Variants in ABCA13 observed in about 807,000 individuals in gnomAD.
ABCA13 encodes the protein ATP binding cassette subfamily A member 13.
In ABCA13, 476 loss-of-function variants were observed where a neutral mutation model predicts 478.7. That is an observed-to-expected ratio of 0.99 (90% confidence interval 0.92 to 1.07). The LOEUF (loss-of-function observed/expected upper bound fraction) is 1.07, where lower values mean the gene tolerates loss of function less well. Ranked by LOEUF, ABCA13 falls within the 50% of genes least tolerant of loss-of-function variation. The pLI, the probability that ABCA13 is intolerant of heterozygous loss-of-function variation, is 0.00. For synonymous variants in ABCA13, 2,252 were observed against 2,158.9 expected (o/e 1.04, Z -1.20); for missense variants, 6,060 against 5,910.6 (o/e 1.03, Z -0.83).
intron 10 of ABCA13, chr7:48,242,890 A>G (rs902479563): frequency 6.6e-6 from 1 of 152,070 alleles, no homozygotes; most frequent in Non-Finnish European, 1.5e-5. Flanking sequence ...TTCTCTTCCT[A>G]AGCTGCAAAG....
In ABCA13 at chr7:48,645,655, T is replaced by C; in HGVS notation, c.*143T>C. ...TTATTCTCTTGTTCATTTTCTATTT[T>C]GAATCTCCTTGTTAGTTAATAACCA... On this transcript the variant is annotated 3_prime_UTR_variant, in exon 62 of 62. Coordinates refer to ENST00000435803, the MANE Select transcript of ABCA13 (RefSeq NM_152701.5). 1.4e-6 allele frequency: 1 copy of C among 700,154 alleles called. No individual in the cohort carries two copies. The highest frequency in any genetic ancestry group is 2.4e-6 in the Non-Finnish European group (1 of 424,684). 43.4% of individuals were successfully genotyped at this position (700,154 alleles called of 1,614,324 possible).
At chr7:48,369,720 C>A (rs1812335681) in intron 32 of ABCA13, among the ~76,000 whole-genome samples, 1 of 152,028 alleles carries the variant, frequency 6.6e-6, no homozygotes, top group African/African-American at 2.4e-5. Context: ...GGTTTTATTT[C>A]TGGGTTCTTT....
At chr7:48,380,040 A>G (rs1814103206) in intron 35 of ABCA13, among the ~76,000 whole-genome samples, 1 of 152,222 alleles carries the variant, frequency 6.6e-6, no homozygotes, top group African/African-American at 2.4e-5. Context: ...TATTAATAAT[A>G]TAAGAGGGTT....
intron 39 of ABCA13, among the ~76,000 whole-genome samples, chr7:48,405,210 G>A (rs535592322): frequency 1.1e-4 from 16 of 152,370 alleles, no homozygotes; most frequent in South Asian, 2.1e-4. Flanking sequence ...AGATTCAGCC[G>A]TCTGCAGTCA....
At chr7:48,371,572 C>T (rs1443871714) in intron 32 of ABCA13, among the ~76,000 whole-genome samples, 4 of 152,008 alleles carry the variant, frequency 2.6e-5, no homozygotes, top group East Asian at 1.9e-4. Flanking sequence ...AGTTCATTCA[C>T]GATTTGGCTC....
At chr7:48,182,984 C>T (rs1460910308) in intron 1 of ABCA13, among the ~76,000 whole-genome samples, 1 of 152,182 alleles carries the variant, frequency 6.6e-6, no homozygotes, top group Non-Finnish European at 1.5e-5. Context: ...GAGAGGTTGG[C>T]ATCTAGAGGC....
intron 47 of ABCA13, among the ~76,000 whole-genome samples, chr7:48,486,774 G>T (rs1360759426): frequency 1.3e-5 from 2 of 152,182 alleles, no homozygotes; most frequent in Non-Finnish European, 2.9e-5. Context: ...ATGAACATGT[G>T]TGTGGTATTG....
rs761181523 is a variant in ABCA13, at chr7:48,403,719, C to G, written c.11910C>G (p.His3970Gln). The change falls in exon 39 of 62, where the codon CAC becomes CAG. Residue 3970 changes from histidine (H) to glutamine (Q), a missense_variant. Physicochemically the swap from His to Gln is conservative, Grantham distance 24 (BLOSUM62 0). Around this residue, in one of 3 missense-constraint regions of ABCA13, gnomAD observed 1,627 missense variants for 1,571.0 expected, o/e 1.04. Coordinates refer to ENST00000435803, the MANE Select transcript of ABCA13 (RefSeq NM_152701.5). Reference sequence around the variant, plus strand: ...ATGTGGACTTAACTCAGCATCAGCACAAACAGACCCGAGCTCTGTCTGGAG... The same window carrying G: ...ATGTGGACTTAACTCAGCATCAGCAGAAACAGACCCGAGCTCTGTCTGGAG... ...LQDVDLTQHQHKQTRALSGGL... is the reference protein window; with the variant it reads ...LQDVDLTQHQQKQTRALSGGL... The G allele has an allele frequency of 1.2e-6, 2 of 1,614,006 alleles. No homozygotes were observed. The highest frequency in any genetic ancestry group is 1.3e-5 in the African/African-American group (1 of 75,054).
chr7:48,369,924 G>A (rs1274957415), intron 32 of ABCA13, among the ~76,000 whole-genome samples: 2 of 151,940 alleles, frequency 1.3e-5, no homozygotes, highest in Admixed American at 6.6e-5. Context: ...TTAGTTCTGT[G>A]AAGAGTAATG....
chr7:48,392,214 C>A (rs1816181302), intron 38 of ABCA13, 75 bp downstream of exon 38: 9 of 1,385,612 alleles, frequency 6.5e-6, no homozygotes, highest in African/African-American at 4.3e-5. Context: ...TAGAAAGAGA[C>A]ACTTAAAAAA....
chr7:48,447,470 CT>C (rs1471450971), intron 42 of ABCA13, among the ~76,000 whole-genome samples: 15 of 152,150 alleles, frequency 9.9e-5, no homozygotes, highest in African/African-American at 3.6e-4. Context: ...CATGACTTTA[CT>C]TTGTTAACTA....
rs1350825389 is a variant in ABCA13, at chr7:48,274,704, G to A, written c.5038G>A (p.Asp1680Asn). ...LKKADIDLLV[D>N]QLEQVSVNLM... ...GAAGGCAGACATAGACCTTTTAGTG[G>A]ATCAGCTTGAACAAGTTAGTGTAAA... Residue 1680 changes from aspartate (D) to asparagine (N), a missense_variant, in exon 17 of 62, where the codon GAT becomes AAT. By Grantham distance (23) the Asp-to-Asn change is conservative. This residue lies in a region of ABCA13 where 4,423 missense variants were observed against 4,309.1 expected (regional missense o/e 1.03). Transcript: ENST00000435803. 2 of 1,613,962 alleles carry A rather than the reference G, an allele frequency of 1.2e-6. No homozygotes were observed. The highest frequency in any genetic ancestry group is 8.5e-7 in the Non-Finnish European group (1 of 1,179,860).
At chr7:48,474,921 G>A (rs1271119345) in intron 45 of ABCA13, among the ~76,000 whole-genome samples, 1 of 152,190 alleles carries the variant, frequency 6.6e-6, no homozygotes, top group African/African-American at 2.4e-5. Flanking sequence ...CATAAACTAT[G>A]AGATTTCAGT....
chr7:48,197,352 G>A (rs868729183), intron 2 of ABCA13, among the ~76,000 whole-genome samples: 1 of 152,186 alleles, frequency 6.6e-6, no homozygotes. Flanking sequence ...ATACTGGGGC[G>A]CTGGACAGGC....
At position 48,298,434 on chromosome 7, in the gene ABCA13, A is replaced by T. The variant is rs925184116; in HGVS notation, c.9268A>T (p.Ile3090Phe). Residue 3090 changes from isoleucine to phenylalanine, a missense_variant, in exon 23 of 62, where the codon ATC becomes TTC. Coordinates refer to ENST00000435803, the MANE Select transcript of ABCA13 (RefSeq NM_152701.5). ...LTEELRSSIQ[I>F]SNETIHSILE... ...TGAGGAGCTTCGCTCTTCCATCCAA[A>T]TCTCGAATGAGACTATCCATAGCAT... 6.2e-7 allele frequency: 1 copy of T among 1,613,448 alleles called. No homozygotes were observed. Among genetic ancestry groups the T allele is most frequent in the Non-Finnish European group, 8.5e-7 (1 of 1,179,618 alleles).
chr7:48,573,471 G>C (rs1022404114), intron 55 of ABCA13, among the ~76,000 whole-genome samples: 1 of 151,974 alleles, frequency 6.6e-6, no homozygotes, highest in Non-Finnish European at 1.5e-5. Context: ...TAAGATGGGA[G>C]GATCATTTGA....
intron 35 of ABCA13, among the ~76,000 whole-genome samples, chr7:48,380,844 A>C (rs571164405): frequency 5.1e-4 from 78 of 152,162 alleles, no homozygotes; most frequent in African/African-American, 1.8e-3. Flanking sequence ...CACAAGCAAA[A>C]AACCAATCCA....
Position 48,273,704 on chromosome 7 carries a change from T to C in ABCA13, c.4038T>C (p.Cys1346=). Residue 1346 remains cysteine (C), a synonymous_variant, in exon 17 of 62, where the codon TGT becomes TGC. Coordinates refer to ENST00000435803, the MANE Select transcript of ABCA13 (RefSeq NM_152701.5). ...NVSHDRDLFS[C]ADIFQNVTEC... Reference sequence around the variant, plus strand: ...CACATGATCGAGATTTGTTTTCCTGTGCTGATATTTTCCAAAATGTTACTG... The same window carrying C: ...CACATGATCGAGATTTGTTTTCCTGCGCTGATATTTTCCAAAATGTTACTG... 1 of 1,608,470 alleles carries C rather than the reference T, an allele frequency of 6.2e-7. No individual in the cohort carries two copies.
rs1411136479 is a variant in ABCA13 at position 48,411,210 on chromosome 7, C to T, written c.12228+533C>T. On this transcript the variant is annotated intron_variant, in intron 40 of 61. Coordinates refer to ENST00000435803, the MANE Select transcript of ABCA13 (RefSeq NM_152701.5). ...CTTTCTTTCCTTTTCTTTTCTTTCTCCCCTTCCCTTCTCTTTCTCTTTCTT... is the reference window on the plus strand; with the variant it reads ...CTTTCTTTCCTTTTCTTTTCTTTCTTCCCTTCCCTTCTCTTTCTCTTTCTT... Among the ~76,000 whole-genome samples the T allele has an allele frequency of 6.4e-5, 9 of 140,712 alleles. 1 individual carries two copies. Among genetic ancestry groups the T allele is most frequent in the African/African-American group, 2.1e-4 (8 of 38,058 alleles). The allele number at this position is 140,712 out of a possible 152,430, so 92.3% of individuals were successfully genotyped here. A position where few individuals can be genotyped will look rare whatever the true frequency, so the allele number is the denominator to read the frequency against.
Sources: allele counts gnomAD v4.1 joint callset (sites outside exome capture counted in the v4.1 genomes callset), GRCh38; gene constraint gnomAD v4.1.1; regional missense constraint gnomAD v4.1.1; transcripts MANE v1.5; gene names NCBI Gene and HGNC (gene_info 2026-07-23, HGNC 2026-07-21).